JPT1: variants seen among roughly 807,000 people sequenced by gnomAD.
The protein encoded by JPT1 is androgen-regulated protein 2.
Under a neutral mutation model 17.0 loss-of-function variants are expected in JPT1, and 5 were observed. That is an observed-to-expected ratio of 0.29 (90% confidence interval 0.15 to 0.62). The LOEUF is 0.62. JPT1 is among the 20% of genes least tolerant of loss of function. The probability of loss-of-function intolerance (pLI) is 0.85; values close to 1 mark genes in which losing one functional copy is unlikely to be tolerated. For synonymous variants in JPT1, 71 were observed against 73.6 expected (o/e 0.96, Z 0.18); for missense variants, 158 against 188.1 (o/e 0.84, Z 0.94).
intron 4 of JPT1, among the ~76,000 whole-genome samples, chr17:75,143,822 A>T (rs2074372340): frequency 6.6e-6 from 1 of 151,732 alleles, no homozygotes; most frequent in Non-Finnish European, 1.5e-5. Context: ...GGTGACAGAG[A>T]GTGAGACTCC....
intron 4 of JPT1, among the ~76,000 whole-genome samples, chr17:75,136,487 GT>G (rs1260893695): frequency 6.6e-6 from 1 of 150,702 alleles, no homozygotes. Context: ...AGGACATGAA[GT>G]TTTTTTTTGT....
At chr17:75,144,682 C>A (rs2074389934) in intron 4 of JPT1, among the ~76,000 whole-genome samples, 1 of 152,046 alleles carries the variant, frequency 6.6e-6, no homozygotes, top group Non-Finnish European at 1.5e-5. Flanking sequence ...CCCAGACTTA[C>A]AACTGGTGGG....
intron 4 of JPT1, chr17:75,142,713 G>C (rs1374755670): frequency 2.2e-6 from 1 of 453,074 alleles, no homozygotes; most frequent in East Asian, 7.0e-5. Flanking sequence ...GAAGGGAGAG[G>C]AGGGAAGAAG....
At chr17:75,140,560 C>T (rs1030580456) in intron 4 of JPT1, among the ~76,000 whole-genome samples, 1 of 152,170 alleles carries the variant, frequency 6.6e-6, no homozygotes, top group Non-Finnish European at 1.5e-5. Context: ...TGTAGCCATT[C>T]CTGCGTTTAA....
chr17:75,141,281 ATAT>A (rs534167698), intron 4 of JPT1: 6 of 152,332 alleles, frequency 3.9e-5, no homozygotes, highest in East Asian at 1.9e-4. Context: ...AAAGAAAAAA[ATAT>A]TATTGTGCCC....
chr17:75,147,946 C>T, intron 2 of JPT1: 1 of 366,270 alleles, frequency 2.7e-6, no homozygotes, highest in Admixed American at 3.7e-5. Context: ...TTGTGGTGTG[C>T]CAAGATGGCA....
intron 2 of JPT1, chr17:75,147,934 G>A (rs1476769910): frequency 5.3e-6 from 2 of 378,886 alleles, no homozygotes; most frequent in Admixed American, 7.3e-5. Flanking sequence ...GGGAGGTGGA[G>A]GTTGTGGTGT....
intron 1 of JPT1, among the ~76,000 whole-genome samples, chr17:75,152,178 G>C (rs1469401787): frequency 6.6e-6 from 1 of 152,144 alleles, no homozygotes; most frequent in Non-Finnish European, 1.5e-5. Flanking sequence ...AAGGCAGAAA[G>C]TATCTCAATG....
intron 4 of JPT1, among the ~76,000 whole-genome samples, chr17:75,141,699 G>GGGAA (rs940729107): frequency 4.6e-5 from 7 of 151,928 alleles, no homozygotes; most frequent in African/African-American, 1.7e-4. Flanking sequence ...AACCACTGGG[G>GGGAA]GGAAAAAGAA....
intron 4 of JPT1, among the ~76,000 whole-genome samples, chr17:75,143,789 T>C (rs2074371714): frequency 6.6e-6 from 1 of 151,306 alleles, no homozygotes; most frequent in Non-Finnish European, 1.5e-5. Flanking sequence ...TGAGCTGAGA[T>C]GGCACCACTG....
intron 3 of JPT1, among the ~76,000 whole-genome samples, chr17:75,147,276 CTA>C (rs1440075611): frequency 5.9e-5 from 9 of 152,040 alleles, no homozygotes; most frequent in South Asian, 2.1e-4. Flanking sequence ...AGAAATGCTT[CTA>C]TATATGAGAC....
intron 1 of JPT1, chr17:75,154,121 G>A (rs1455447609): frequency 7.8e-6 from 2 of 257,534 alleles, no homozygotes; most frequent in Non-Finnish European, 1.4e-5. Flanking sequence ...TGACTCCGTG[G>A]AAGGAATGAA....
chr17:75,144,540 A>T (rs2074387462), intron 4 of JPT1, among the ~76,000 whole-genome samples: 1 of 152,144 alleles, frequency 6.6e-6, no homozygotes, highest in Non-Finnish European at 1.5e-5. Flanking sequence ...TGTATCATAT[A>T]TTCATAATGA....
At position 75,150,860 on chromosome 17, in the gene JPT1, T is replaced by TTTTTTTTGTTTTG. The variant is rs1568037414; in HGVS notation, c.57-2190_57-2189insCAAAACAAAAAAA. 7.3e-3 allele frequency among the ~76,000 whole-genome samples: 1,022 copies of TTTTTTTTGTTTTG among 139,984 alleles called. 13 individuals are homozygous for TTTTTTTTGTTTTG. Among genetic ancestry groups the TTTTTTTTGTTTTG allele is most frequent in the African/African-American group, 0.025 (977 of 38,770 alleles). 91.8% of individuals were successfully genotyped at this position (139,984 alleles called of 152,430 possible). On this transcript the variant is annotated intron_variant, in intron 1 of 4. Coordinates refer to ENST00000409753, the MANE Select transcript of JPT1 (RefSeq NM_016185.4). ...ACATTTTTCTTTCTTTTTTTTTTTT[T>TTTTTTTTGTTTTG]TTTTTTTTTTTGAGACAGAATCCTG...
At chr17:75,143,263 TA>T (rs1256570369) in intron 4 of JPT1, among the ~76,000 whole-genome samples, 2 of 152,140 alleles carry the variant, frequency 1.3e-5, no homozygotes, top group Non-Finnish European at 2.9e-5. Flanking sequence ...GAAGCCTCCA[TA>T]AAAAACCAAA....
At position 75,146,682 on chromosome 17, in the gene JPT1, T is replaced by C. The variant is rs1598202654; in HGVS notation, c.300A>G (p.Gly100=). ...ASSGDFLDLK[G]EGDIHENVDT... Reference sequence around the variant, plus strand: ...AGTACTTACCATGAATATCACCTTCTCCCTAGAAAAGAAAAAAATTCAAAA... The same window carrying C: ...AGTACTTACCATGAATATCACCTTCCCCCTAGAAAAGAAAAAAATTCAAAA... Residue 100 remains glycine, a splice_region_variant and synonymous_variant, in exon 4 of 5, where the codon GGA becomes GGG. Coordinates refer to ENST00000409753, the MANE Select transcript of JPT1 (RefSeq NM_016185.4). The C allele has an allele frequency of 1.3e-6, 2 of 1,539,308 alleles. No homozygotes were observed. Among genetic ancestry groups the C allele is most frequent in the East Asian group, 4.9e-5 (2 of 41,166 alleles).
At chr17:75,150,292 C>T (rs538077537) in intron 1 of JPT1, among the ~76,000 whole-genome samples, 96 of 151,024 alleles carry the variant, frequency 6.4e-4, no homozygotes, top group African/African-American at 2.2e-3. Flanking sequence ...TCGCTCTTGT[C>T]GCCCAGGCTA....
At chr17:75,140,766 G>A (rs555788390) in intron 4 of JPT1, among the ~76,000 whole-genome samples, 1 of 152,126 alleles carries the variant, frequency 6.6e-6, no homozygotes, top group South Asian at 2.1e-4. Context: ...GACCAGCCGG[G>A]GGAAACATAG....
intron 1 of JPT1, 138 bp from the exon 2 acceptor site, chr17:75,148,809 A>G: frequency 9.5e-7 from 1 of 1,055,636 alleles, no homozygotes. Context: ...CTAACAGGAA[A>G]AAAGAATCAA....
Sources: allele counts gnomAD v4.1 joint callset (sites outside exome capture counted in the v4.1 genomes callset), GRCh38; gene constraint gnomAD v4.1.1; transcripts MANE v1.5; gene names NCBI Gene and HGNC (gene_info 2026-07-23, HGNC 2026-07-21).